Variants in ULK4 observed in about 807,000 individuals in gnomAD.
ULK4 encodes unc-51 like kinase 4, also known as inactive serine/threonine-protein kinase ULK4.
Under a neutral mutation model 160.6 loss-of-function variants are expected in ULK4, and 133 were observed. The ratio of observed to expected loss-of-function variants is 0.83; its 90% confidence interval spans 0.72 to 0.96. The LOEUF (loss-of-function observed/expected upper bound fraction) is 0.96, where lower values mean the gene tolerates loss of function less well. ULK4 is among the 40% of genes least tolerant of loss of function. The pLI, the probability that ULK4 is intolerant of heterozygous loss-of-function variation, is 0.00. For missense variants in ULK4, 1,580 were observed against 1,499.5 expected (o/e 1.05, Z -0.89); for synonymous variants, 534 against 539.8 (o/e 0.99, Z 0.15).
intron 27 of ULK4, among the ~76,000 whole-genome samples, chr3:41,696,216 C>T (rs1575580301): frequency 2.0e-5 from 3 of 152,362 alleles, no homozygotes; most frequent in South Asian, 2.1e-4. Context: ...AACCATCTCC[C>T]TGTGGTGCTA....
At chr3:41,837,757 C>T (rs750490952) in intron 17 of ULK4, among the ~76,000 whole-genome samples, 3 of 152,038 alleles carry the variant, frequency 2.0e-5, no homozygotes, top group Non-Finnish European at 4.4e-5. Flanking sequence ...GACTGGGTTT[C>T]GCCATGTTGG....
At chr3:41,509,786 A>G (rs1256397) in intron 32 of ULK4, among the ~76,000 whole-genome samples, 127,798 of 152,180 alleles carry the variant, frequency 0.84, 54,977 homozygotes, top group Non-Finnish European at 0.94. Flanking sequence ...GAGAAAACTC[A>G]GCACTACCAA....
chr3:41,661,447 G>A (rs547391544), intron 30 of ULK4, among the ~76,000 whole-genome samples: 75 of 145,556 alleles, frequency 5.2e-4, no homozygotes, highest in African/African-American at 1.9e-3. Flanking sequence ...GTGTATACTC[G>A]TATACATACA....
intron 31 of ULK4, among the ~76,000 whole-genome samples, chr3:41,567,598 C>T (rs1424360201): frequency 6.6e-6 from 1 of 151,720 alleles, no homozygotes; most frequent in Non-Finnish European, 1.5e-5. Context: ...AGGCATGCAC[C>T]GTCATACCCG....
At chr3:41,749,791 C>G (rs767136274) in intron 22 of ULK4, among the ~76,000 whole-genome samples, 11 of 152,116 alleles carry the variant, frequency 7.2e-5, no homozygotes, top group Admixed American at 6.5e-5. Flanking sequence ...ACATTTAAAA[C>G]TCATTTTCTC....
At chr3:41,699,472 G>C (rs1300358189) in intron 27 of ULK4, among the ~76,000 whole-genome samples, 1 of 152,116 alleles carries the variant, frequency 6.6e-6, no homozygotes, top group Non-Finnish European at 1.5e-5. Flanking sequence ...TTTCCCCTTT[G>C]CTATTAATAA....
At chr3:41,862,899 T>G (rs1227917487) in intron 17 of ULK4, among the ~76,000 whole-genome samples, 1 of 150,602 alleles carries the variant, frequency 6.6e-6, no homozygotes, top group Non-Finnish European at 1.5e-5. Context: ...ATGACAGCAC[T>G]GGGTCAGACC....
chr3:41,855,839 G>A (rs1455291113), intron 17 of ULK4, among the ~76,000 whole-genome samples: 1 of 151,948 alleles, frequency 6.6e-6, no homozygotes, highest in East Asian at 1.9e-4. Flanking sequence ...AGGTTCCCAA[G>A]GATTACTAAC....
At chr3:41,300,871 ATATATATATATATATTTGGTATCT>A in intron 35 of ULK4, among the ~76,000 whole-genome samples, 1 of 107,694 alleles carries the variant, frequency 9.3e-6, no homozygotes, top group South Asian at 2.8e-4. Context: ...ATATATATAT[ATATATATATATATATTTGGTATCT>A]TGCTGGTCTA....
intron 32 of ULK4, among the ~76,000 whole-genome samples, chr3:41,502,725 A>G (rs761398111): frequency 6.6e-6 from 1 of 152,226 alleles, no homozygotes; most frequent in African/African-American, 2.4e-5. Flanking sequence ...CCATTTATAT[A>G]ACATTTTTTC....
chr3:41,749,194 C>T (rs112914439), intron 22 of ULK4, among the ~76,000 whole-genome samples: 1,719 of 152,248 alleles, frequency 0.011, 28 homozygotes, highest in African/African-American at 0.039. Flanking sequence ...ATAAAACAGG[C>T]TTTGTGGGCA....
intron 27 of ULK4, among the ~76,000 whole-genome samples, chr3:41,696,674 T>C (rs2036514491): frequency 6.6e-6 from 1 of 152,208 alleles, no homozygotes. Flanking sequence ...GGCTGGTCCC[T>C]ATAGTCCTGA....
chr3:41,613,583 T>A (rs1223816962), intron 31 of ULK4, among the ~76,000 whole-genome samples: 1 of 152,048 alleles, frequency 6.6e-6, no homozygotes, highest in Admixed American at 6.5e-5. Context: ...GTGACAACAA[T>A]TTTAAAAGGA....
chr3:41,453,110 G>A (rs946322691), intron 34 of ULK4, among the ~76,000 whole-genome samples: 12 of 152,146 alleles, frequency 7.9e-5, no homozygotes, highest in African/African-American at 2.9e-4. Context: ...CAAAGGTAAA[G>A]CACTAATAGA....
intron 17 of ULK4, chr3:41,859,632 T>C: frequency 2.1e-6 from 1 of 473,074 alleles, no homozygotes; most frequent in Non-Finnish European, 4.1e-6. Flanking sequence ...CCCCACCGCT[T>C]CATTTCCCAA....
At chr3:41,627,060 A>T (rs990853664) in intron 30 of ULK4, among the ~76,000 whole-genome samples, 1 of 152,210 alleles carries the variant, frequency 6.6e-6, no homozygotes, top group Non-Finnish European at 1.5e-5. Flanking sequence ...GGGTTGAGCT[A>T]AATTTCACAC....
At chr3:41,781,434 A>G (rs1559549151) in intron 21 of ULK4, among the ~76,000 whole-genome samples, 1 of 148,506 alleles carries the variant, frequency 6.7e-6, no homozygotes, top group African/African-American at 2.5e-5. Flanking sequence ...AAAAAAAAAA[A>G]GTGAACTCTG....
intron 25 of ULK4, among the ~76,000 whole-genome samples, chr3:41,706,039 G>A (rs952684717): frequency 6.6e-6 from 1 of 151,884 alleles, no homozygotes; most frequent in Non-Finnish European, 1.5e-5. Context: ...TTCAAATTTC[G>A]CCACTGTTTT....
At chr3:41,526,414 T>C (rs930288801) in intron 32 of ULK4, among the ~76,000 whole-genome samples, 4 of 152,206 alleles carry the variant, frequency 2.6e-5, no homozygotes, top group Non-Finnish European at 1.5e-5. Flanking sequence ...TGGCCACAGC[T>C]AAGGCAATTC....
Sources: gnomAD v4.1 joint callset for allele counts (sites outside exome capture counted in the v4.1 genomes callset) on GRCh38, gnomAD v4.1.1 for gene constraint, MANE v1.5 for transcripts, NCBI Gene and HGNC (gene_info 2026-07-23, HGNC 2026-07-21) for gene names.